STAP2: variants seen among roughly 807,000 people sequenced by gnomAD.
STAP2 encodes signal transducing adaptor family member 2.
STAP2 carries 58 observed loss-of-function variants against 52.7 expected under a neutral mutation model. That is an observed-to-expected ratio of 1.10 (90% CI 0.89 to 1.37). The LOEUF (loss-of-function observed/expected upper bound fraction) is 1.37. STAP2 is among the 40% of genes most tolerant of loss of function. The pLI, the probability that STAP2 is intolerant of heterozygous loss-of-function variation, is 0.00. For missense variants in STAP2, 522 were observed against 519.4 expected, an observed-to-expected ratio of 1.00 and a Z score of -0.05; for synonymous variants, 231 against 210.5, an observed-to-expected ratio of 1.10 and a Z score of -0.84.
At chr19:4,324,617 A>C (rs1195648182) in intron 11 of STAP2, 88 bp from the exon 12 acceptor site, 1 of 1,400,486 alleles carries the variant, frequency 7.1e-7, no homozygotes, top group Non-Finnish European at 9.8e-7. Flanking sequence ...GGATCACTTG[A>C]GGTCAGGAGT....
rs575905094 is a variant in STAP2 at position 4,333,867 on chromosome 19, C to A, written c.175-51G>T. On this transcript the variant is annotated intron_variant, in intron 2 of 12. Coordinates refer to ENST00000594605, the MANE Select transcript of STAP2 (RefSeq NM_001013841.2). ...GGGCACCAGTTCCTTGGCCTCCAGG[C>A]CCCCTGGATGATGTAGCAGCCACCT... is the stretch of plus-strand genomic sequence containing the variant. 8.1e-6 allele frequency: 13 copies of A among 1,612,856 alleles called. No homozygotes were observed. The African/African-American group carries it at 1.3e-4, about 17-fold the overall frequency.
chr19:4,327,919 A>T (rs369412200), intron 6 of STAP2, among the ~76,000 whole-genome samples: 31 of 151,398 alleles, frequency 2.0e-4, no homozygotes, highest in African/African-American at 7.5e-4. Context: ...AGCCCTACTC[A>T]ACTTCCAAAA....
rs374719144 is a variant in STAP2 at position 4,330,046 on chromosome 19, C to G, written c.370G>C (p.Asp124His). The G allele has an allele frequency of 6.2e-7, 1 of 1,613,560 alleles. No homozygotes were observed. The highest frequency in any genetic ancestry group is 1.3e-5 in the African/African-American group (1 of 75,034). Residue 124 changes from aspartate (D) to histidine (H), a missense_variant, in exon 5 of 13, where the codon GAC (aspartate) becomes CAC (histidine). Transcript: ENST00000594605. ...LTVVELRVPTDLTLLPGHLYM... is the reference protein window; with the variant it reads ...LTVVELRVPTHLTLLPGHLYM... ...AGGTGCCCAGGAAGCAGGGTCAAGT[C>G]GGTCGGGACACGGAGCTGAGGGGCG...
At chr19:4,328,516 A>G (rs79391185) in intron 6 of STAP2, among the ~76,000 whole-genome samples, 159 bp downstream of exon 6, 8,702 of 126,408 alleles carry the variant, frequency 0.069, 333 homozygotes, top group South Asian at 0.11. Flanking sequence ...CGCCCAGCTC[A>G]GCTCTGACTC....
intron 9 of STAP2, 82 bp downstream of exon 9, chr19:4,326,860 G>A: frequency 2.0e-6 from 3 of 1,497,018 alleles, no homozygotes; most frequent in Non-Finnish European, 2.7e-6. Context: ...AGGAGGTGCA[G>A]CCACCAAACT....
rs561987383 is a variant in STAP2, at chr19:4,331,033, A to C, written c.355-972T>G. ...TGGCCAATGTCAGCTAATTTTTAAA[A>C]ACTTAGCACTCTGTGGCCAGGCATG... On this transcript the variant is annotated intron_variant, in intron 4 of 12. Transcript: ENST00000594605. Among the ~76,000 whole-genome samples the C allele has an allele frequency of 2.6e-5, 4 of 152,060 alleles. No individual in the cohort carries two copies. The East Asian group carries it at 7.8e-4, about 30-fold the overall frequency.
At position 4,328,790 on chromosome 19, in the gene STAP2, G is replaced by T. The variant is rs374758539; in HGVS notation, c.475C>A (p.Arg159=). The T allele has an allele frequency of 3.1e-6, 5 of 1,611,370 alleles. No individual in the cohort carries two copies. The East Asian group carries it at 8.9e-5, about 29-fold the overall frequency. ...TCCAGGAGCAGTTGTGCCTCCAGCC[G>T]GCTCACCTTCAGGAAGCACCTGTGG... ...ETPSCFLKVS[R]LEAQLLLERY... The change falls in exon 6 of 13, where the codon CGG becomes AGG. Residue 159 remains arginine, a synonymous_variant. Transcript: ENST00000594605.
intron 9 of STAP2, 150 bp downstream of exon 9, chr19:4,326,792 A>C (rs1568384886): frequency 2.0e-6 from 2 of 998,046 alleles, no homozygotes; most frequent in Non-Finnish European, 3.0e-6. Context: ...CCACACACAC[A>C]CCCTGACGGC....
At chr19:4,327,893 C>G (rs1256045919) in intron 6 of STAP2, among the ~76,000 whole-genome samples, 1 of 148 alleles carries the variant, frequency 6.8e-3, no homozygotes, top group Non-Finnish European at 0.017. Flanking sequence ...GCCCCCAGGG[C>G]TGGCTCCGCC....
chr19:4,331,255 G>T (rs111846493), intron 4 of STAP2, among the ~76,000 whole-genome samples: 1 of 152,112 alleles, frequency 6.6e-6, no homozygotes, highest in Non-Finnish European at 1.5e-5. Flanking sequence ...CTTGAGCCTG[G>T]GAGTTGGAGG....
At chr19:4,331,935 AAAAGAAAAAAAGAAAG>A in intron 4 of STAP2, 71 bp downstream of exon 4, 1 of 1,434,340 alleles carries the variant, frequency 7.0e-7, no homozygotes, top group South Asian at 1.2e-5. Flanking sequence ...CCGTCTCAAA[AAAAGAAAAAAAGAAAG>A]AAAGAAAAAG....
chr19:4,327,484 A>G, intron 6 of STAP2, 99 bp from the exon 7 acceptor site: 6 of 1,276,098 alleles, frequency 4.7e-6, no homozygotes, highest in Non-Finnish European at 6.7e-6. Flanking sequence ...TCCAATAGAA[A>G]CAGGTCCATA....
At chr19:4,326,522 A>G (rs1971794873) in intron 9 of STAP2, among the ~76,000 whole-genome samples, 1 of 151,800 alleles carries the variant, frequency 6.6e-6, no homozygotes, top group Non-Finnish European at 1.5e-5. Context: ...ACCCACCCGG[A>G]TTCTCGGTCC....
chr19:4,333,095 C>G (rs1297928316), intron 3 of STAP2, among the ~76,000 whole-genome samples: 1 of 151,220 alleles, frequency 6.6e-6, no homozygotes, highest in African/African-American at 2.4e-5. Flanking sequence ...GAGGCTGAGG[C>G]AGGAGAATCA....
intron 11 of STAP2, 33 bp downstream of exon 11, chr19:4,325,183 C>G: frequency 6.6e-7 from 1 of 1,523,354 alleles, no homozygotes. Context: ...GGCCTGCCAT[C>G]AGGTGAGGGT....
intron 11 of STAP2, chr19:4,324,845 G>A: frequency 5.2e-6 from 2 of 381,172 alleles, no homozygotes; most frequent in South Asian, 2.7e-5. Flanking sequence ...CAACAATAAA[G>A]ACAGATGAGC....
chr19:4,329,009 T>TC (rs1971844484), intron 5 of STAP2, 200 bp from the exon 6 acceptor site: 1 of 691,266 alleles, frequency 1.4e-6, no homozygotes, highest in African/African-American at 1.9e-5. Flanking sequence ...GGTTTTTTGT[T>TC]TTTTTTTTGA....
At chr19:4,334,712 C>T (rs1199034530) in intron 1 of STAP2, among the ~76,000 whole-genome samples, 1 of 142,704 alleles carries the variant, frequency 7.0e-6, no homozygotes, top group Non-Finnish European at 1.5e-5. Context: ...CATCATCCAT[C>T]CATCCAGTCA....
In STAP2 at chr19:4,325,440, G is replaced by A; in HGVS notation, c.935C>T (p.Thr312Ile). The A allele has an allele frequency of 6.2e-7, 1 of 1,614,118 alleles. No individual in the cohort carries two copies. The highest frequency in any genetic ancestry group is 8.5e-7 in the Non-Finnish European group (1 of 1,180,042). ...AACAGCTGGGCCATCTCCAATGGGG[G>A]TCACGTAGTTCTCTTCCTGGTTCGG... is the stretch of plus-strand genomic sequence containing the variant. Reference protein sequence around the residue: ...PLPNQEENYVTPIGDGPAVDY... With the variant: ...PLPNQEENYVIPIGDGPAVDY... Residue 312 changes from threonine to isoleucine, a missense_variant, in exon 10 of 13, where the codon ACC (threonine) becomes ATC (isoleucine). Coordinates refer to ENST00000594605, the MANE Select transcript of STAP2 (RefSeq NM_001013841.2).
Sources: allele counts gnomAD v4.1 joint callset (sites outside exome capture counted in the v4.1 genomes callset), GRCh38; gene constraint gnomAD v4.1.1; transcripts MANE v1.5; gene names NCBI Gene and HGNC (gene_info 2026-07-23, HGNC 2026-07-21).